The following NEK10 variants were observed in gnomAD, a reference collection of about 807,000 sequenced individuals.
The protein encoded by NEK10 is NIMA related kinase 10, also known as serine/threonine-protein kinase Nek10.
Under a neutral mutation model 159.8 loss-of-function variants are expected in NEK10, and 122 were observed. The ratio of observed to expected loss-of-function variants is 0.76; its 90% confidence interval spans 0.66 to 0.89. The LOEUF (loss-of-function observed/expected upper bound fraction) is 0.89, where lower values mean the gene tolerates loss of function less well. Ranked by LOEUF, NEK10 falls within the 40% of genes least tolerant of loss-of-function variation. NEK10 has a pLI of 0.00. For synonymous variants in NEK10, 466 were observed against 457.1 expected (o/e 1.02, Z -0.25); for missense variants, 1,342 against 1,323.1 (o/e 1.01, Z -0.22).
At chr3:27,241,377 C>A (rs892409244) in intron 23 of NEK10, among the ~76,000 whole-genome samples, 9 of 152,120 alleles carry the variant, frequency 5.9e-5, no homozygotes, top group Non-Finnish European at 1.2e-4. Context: ...GAATTCCAAC[C>A]ATTTGCAGGT....
intron 30 of NEK10, among the ~76,000 whole-genome samples, chr3:27,150,776 CTGCAATAGATAG>C (rs952157272): frequency 6.6e-6 from 1 of 152,174 alleles, no homozygotes; most frequent in African/African-American, 2.4e-5. Flanking sequence ...AAGGCTATAG[CTGCAATAGATAG>C]TGATTCCTCT....
At chr3:27,332,089 G>A (rs1034165356) in intron 5 of NEK10, among the ~76,000 whole-genome samples, 1 of 152,158 alleles carries the variant, frequency 6.6e-6, no homozygotes, top group Non-Finnish European at 1.5e-5. Context: ...GATAGTACCA[G>A]AACGAGGCCA....
At chr3:27,206,916 TG>T (rs1331242493) in intron 23 of NEK10, among the ~76,000 whole-genome samples, 1 of 152,208 alleles carries the variant, frequency 6.6e-6, no homozygotes, top group Non-Finnish European at 1.5e-5. Flanking sequence ...GGCCTGTGAC[TG>T]TCTTTGCCCC....
At chr3:27,116,444 A>G (rs1051609804) in intron 33 of NEK10, among the ~76,000 whole-genome samples, 1 of 152,096 alleles carries the variant, frequency 6.6e-6, no homozygotes, top group Non-Finnish European at 1.5e-5. Context: ...GTGATTCCCA[A>G]TGCAAATTAC....
intron 23 of NEK10, among the ~76,000 whole-genome samples, chr3:27,249,066 T>C (rs1430102125): frequency 1.3e-5 from 2 of 152,198 alleles, no homozygotes; most frequent in Non-Finnish European, 2.9e-5. Context: ...GTGGAGGTAA[T>C]TGAATCATGG....
In NEK10 at chr3:27,109,080, A is replaced by G. The variant is rs1939255666; in HGVS notation, c.*2192T>C. Among the ~76,000 whole-genome samples the G allele has an allele frequency of 6.6e-6, 1 of 152,214 alleles. No homozygotes were observed. The highest frequency in any genetic ancestry group is 6.5e-5 in the Admixed American group (1 of 15,284). On this transcript the variant is annotated 3_prime_UTR_variant, in exon 36 of 36. Coordinates refer to ENST00000691995, the MANE Select transcript of NEK10 (RefSeq NM_001394966.1). ...AATAAATGCCCATTCCTATCACCTA[A>G]AAGAGTTACATGCAATGGCTGGGCA...
At chr3:27,313,033 C>T (rs930747886) in intron 7 of NEK10, among the ~76,000 whole-genome samples, 2 of 151,188 alleles carry the variant, frequency 1.3e-5, no homozygotes, top group African/African-American at 2.4e-5. Context: ...AACTCAAAAA[C>T]GTGATCAGAA....
chr3:27,136,902 T>C (rs1276298740), intron 31 of NEK10, among the ~76,000 whole-genome samples: 4 of 152,220 alleles, frequency 2.6e-5, no homozygotes, highest in African/African-American at 9.6e-5. Flanking sequence ...AGCTACCAAG[T>C]GTTAAGTCTG....
At chr3:27,335,977 C>T (rs879507998) in intron 5 of NEK10, among the ~76,000 whole-genome samples, 7 of 151,702 alleles carry the variant, frequency 4.6e-5, no homozygotes, top group African/African-American at 1.2e-4. Context: ...AAACCAAACC[C>T]CAAATTAGCA....
rs1949176928 is a variant in NEK10, at chr3:27,192,178, C to T, written c.2356G>A (p.Val786Ile). 1 of 1,614,032 alleles carries T rather than the reference C, an allele frequency of 6.2e-7. No individual in the cohort carries two copies. ...AAGTTGTCTAAATATTTCATCATGA[C>T]ATCTGATATCATCGAACTGACTTCT... ...IVEVSSMISD[V>I]MMKYLDNLST... Residue 786 changes from valine (V) to isoleucine (I), a missense_variant, in exon 26 of 36, where the codon GTC (valine) becomes ATC (isoleucine). By Grantham distance (29) the Val-to-Ile change is conservative (BLOSUM62 3). Coordinates refer to ENST00000691995, the MANE Select transcript of NEK10 (RefSeq NM_001394966.1).
intron 30 of NEK10, among the ~76,000 whole-genome samples, chr3:27,161,141 C>A (rs910546052): frequency 6.6e-6 from 1 of 152,118 alleles, no homozygotes; most frequent in African/African-American, 2.4e-5. Flanking sequence ...AAAAGAATTT[C>A]TAATATGGAT....
At chr3:27,144,244 C>G (rs991403830) in intron 30 of NEK10, among the ~76,000 whole-genome samples, 1 of 152,180 alleles carries the variant, frequency 6.6e-6, no homozygotes, top group African/African-American at 2.4e-5. Context: ...TCAACACATG[C>G]AGTTCTAGCC....
chr3:27,333,320 C>T (rs1248649465), intron 5 of NEK10, among the ~76,000 whole-genome samples: 1 of 151,826 alleles, frequency 6.6e-6, no homozygotes, highest in African/African-American at 2.4e-5. Context: ...CTGAGGCAGG[C>T]AGATCACTTG....
At chr3:27,208,393 T>C (rs978267745) in intron 23 of NEK10, among the ~76,000 whole-genome samples, 7 of 152,142 alleles carry the variant, frequency 4.6e-5, no homozygotes, top group Admixed American at 1.3e-4. Context: ...CTTAATAGCA[T>C]TGATAAAATA....
intron 23 of NEK10, among the ~76,000 whole-genome samples, chr3:27,231,912 A>G (rs544264049): frequency 1.3e-5 from 2 of 151,988 alleles, no homozygotes; most frequent in Non-Finnish European, 2.9e-5. Context: ...AGGCATTCTA[A>G]GAAGAATTGG....
chr3:27,177,078 C>A (rs1030905590), intron 26 of NEK10, among the ~76,000 whole-genome samples: 1 of 152,134 alleles, frequency 6.6e-6, no homozygotes, highest in African/African-American at 2.4e-5. Context: ...AACCCAAGAA[C>A]CAATTGGGTC....
intron 32 of NEK10, among the ~76,000 whole-genome samples, chr3:27,124,112 G>A (rs1331117108): frequency 6.6e-6 from 1 of 152,100 alleles, no homozygotes. Context: ...GAACATCAGG[G>A]TGAATGCAGA....
chr3:27,204,806 G>C (rs1299525546), intron 23 of NEK10, among the ~76,000 whole-genome samples: 3 of 143,126 alleles, frequency 2.1e-5, no homozygotes, highest in African/African-American at 2.5e-5. Flanking sequence ...ATGATTTATA[G>C]TCATTTGGGT....
In NEK10 at chr3:27,347,781, T is replaced by G. The variant is rs140486287; in HGVS notation, c.133-1565A>C. 8.7e-4 allele frequency among the ~76,000 whole-genome samples: 133 copies of G among 152,276 alleles called. No homozygotes were observed. The East Asian group carries it at 0.024, about 27-fold the overall frequency. ...AGACAATAGGCTGAGCCAGCAATGC[T>G]TAGTGGTTAAGAGAACAAATTCCCT... On this transcript the variant is annotated intron_variant, in intron 3 of 35. Coordinates refer to ENST00000691995, the MANE Select transcript of NEK10 (RefSeq NM_001394966.1).
Sources: allele counts gnomAD v4.1 joint callset (sites outside exome capture counted in the v4.1 genomes callset), GRCh38; gene constraint gnomAD v4.1.1; transcripts MANE v1.5; gene names NCBI Gene and HGNC (gene_info 2026-07-23, HGNC 2026-07-21).